PUM2: variants seen among roughly 807,000 people sequenced by gnomAD.
The protein encoded by PUM2 is pumilio homolog 2.
Under a neutral mutation model 124.5 loss-of-function variants are expected in PUM2, and 57 were observed. That is an observed-to-expected ratio of 0.46 (90% confidence interval 0.37 to 0.57). The LOEUF (loss-of-function observed/expected upper bound fraction) is 0.57, where lower values mean the gene tolerates loss of function less well. Ranked by LOEUF, PUM2 falls within the 20% of genes least tolerant of loss-of-function variation. The pLI is 0.00. For synonymous variants in PUM2, 460 were observed against 446.1 expected, an observed-to-expected ratio of 1.03 and a Z score of -0.39; for missense variants, 1,065 against 1,290.6, an observed-to-expected ratio of 0.83 and a Z score of 2.68.
At chr2:20,339,627 C>A (rs1438113814) in intron 1 of PUM2, among the ~76,000 whole-genome samples, 1 of 152,170 alleles carries the variant, frequency 6.6e-6, no homozygotes, top group East Asian at 1.9e-4. Context: ...TGCCTGTAAG[C>A]CCAGCACTTT....
At chr2:20,263,136 T>A (rs766579139) in intron 14 of PUM2, 57 bp downstream of exon 14, 13 of 1,493,332 alleles carry the variant, frequency 8.7e-6, no homozygotes, top group South Asian at 2.4e-5. Context: ...ATTTAAGCTT[T>A]TATAAGGCAG....
chr2:20,294,291 A>G (rs1674959836), intron 9 of PUM2, 85 bp downstream of exon 9: 1 of 1,483,526 alleles, frequency 6.7e-7, no homozygotes. Flanking sequence ...GAGGAAACGT[A>G]AGTCGAAAAA....
In PUM2 at chr2:20,263,444, A is replaced by C. The variant is rs1558495488; in HGVS notation, c.1974T>G (p.Gly658=). The change falls in exon 14 of 21, where the codon GGT becomes GGG. Residue 658 remains glycine (G), a synonymous_variant. Transcript: ENST00000361078. The part of the protein sequence containing the change: ...SSLHLGGLTN[G]SGRYISAAPG... ...GTGCTGCAGAGATATATCGACCACT[A>C]CCATTTGTCAGTCCTCCTACAACAA... is the stretch of plus-strand genomic sequence containing the variant. 6.2e-7 allele frequency: 1 copy of C among 1,610,730 alleles called. No individual in the cohort carries two copies. Among genetic ancestry groups the C allele is most frequent in the Non-Finnish European group, 8.5e-7 (1 of 1,177,064 alleles).
At position 20,250,225 on chromosome 2, in the gene PUM2, T is replaced by C. The variant is rs1662974482; in HGVS notation, c.*1360A>G. ...ATATTAACAGTCAACAACTATGTTATAAAACAAAATGATCTCACAATAATA... is the reference window on the plus strand; with the variant it reads ...ATATTAACAGTCAACAACTATGTTACAAAACAAAATGATCTCACAATAATA... On this transcript the variant is annotated 3_prime_UTR_variant, in exon 21 of 21. Transcript: ENST00000361078. 6.6e-6 allele frequency: 1 copy of C among 152,556 alleles called. No homozygotes were observed. The highest frequency in any genetic ancestry group is 2.4e-5 in the African/African-American group (1 of 41,442). 9.5% of individuals were successfully genotyped at this position (152,556 alleles called of 1,614,324 possible). A position where few individuals can be genotyped will look rare whatever the true frequency, so the allele number is the denominator to read the frequency against.
Position 20,297,626 on chromosome 2 carries a change from G to C in PUM2, c.936C>G (p.Tyr312Ter). The part of the protein sequence containing the change: ...LAPAAFVPNP[Y>*]IISAAPPGTD... Reference sequence around the variant, plus strand: ...TCCCTGGAGGAGCAGCACTAATAATGTATGGATTTGGCACAAATGCAGCTG... The same window carrying C: ...TCCCTGGAGGAGCAGCACTAATAATCTATGGATTTGGCACAAATGCAGCTG... Residue 312 changes from tyrosine to a stop codon, truncating the protein, a stop_gained, in exon 8 of 21, where the codon TAC (tyrosine) becomes TAG (stop). Transcript: ENST00000361078. LOFTEE classifies it high-confidence loss of function. 1 of 1,613,048 alleles carries C rather than the reference G, an allele frequency of 6.2e-7. No homozygotes were observed. The highest frequency in any genetic ancestry group is 8.5e-7 in the Non-Finnish European group (1 of 1,178,990).
chr2:20,306,234 C>A (rs1441140661), intron 7 of PUM2, among the ~76,000 whole-genome samples: 2 of 151,768 alleles, frequency 1.3e-5, no homozygotes, highest in Non-Finnish European at 2.9e-5. Flanking sequence ...ACAATAACAA[C>A]AAAAAAAACC....
chr2:20,274,192 A>C (rs1258665400), intron 13 of PUM2, among the ~76,000 whole-genome samples: 1 of 152,186 alleles, frequency 6.6e-6, no homozygotes, highest in Non-Finnish European at 1.5e-5. Context: ...ATGAAATGAA[A>C]TATGAATATG....
At chr2:20,315,740 T>TAA (rs1414452678) in intron 3 of PUM2, among the ~76,000 whole-genome samples, 1 of 150,938 alleles carries the variant, frequency 6.6e-6, no homozygotes, top group African/African-American at 2.4e-5. Flanking sequence ...GCAGGTGGAT[T>TAA]GTTTGAGCTC....
intron 3 of PUM2, among the ~76,000 whole-genome samples, chr2:20,316,711 C>A (rs10170538): frequency 0.035 from 5,315 of 151,716 alleles, 93 homozygotes; most frequent in Middle Eastern, 0.069. Context: ...ATAGTGAGAC[C>A]CCCATCTCTA....
At chr2:20,310,522 G>A (rs1679366694) in intron 5 of PUM2, among the ~76,000 whole-genome samples, 1 of 151,986 alleles carries the variant, frequency 6.6e-6, no homozygotes, top group Non-Finnish European at 1.5e-5. Flanking sequence ...AGGTAATAGT[G>A]AAGAACAAAC....
At chr2:20,296,645 C>T (rs1328678360) in intron 8 of PUM2, among the ~76,000 whole-genome samples, 1 of 128,896 alleles carries the variant, frequency 7.8e-6, no homozygotes, top group Admixed American at 9.2e-5. Flanking sequence ...TTTTGAAAGT[C>T]AGCCCATTAG....
chr2:20,264,897 T>C (rs1229706644), intron 13 of PUM2, among the ~76,000 whole-genome samples: 2 of 152,130 alleles, frequency 1.3e-5, no homozygotes, highest in East Asian at 3.8e-4. Context: ...TCACTTTCTG[T>C]CCCTACTGTC....
At chr2:20,307,197 G>C (rs1678546270) in intron 7 of PUM2, among the ~76,000 whole-genome samples, 2 of 152,048 alleles carry the variant, frequency 1.3e-5, no homozygotes, top group African/African-American at 4.8e-5. Context: ...GCCTGGGTGA[G>C]AGTGAGACTC....
rs116185338 is a variant in PUM2 at position 20,299,469 on chromosome 2, G to A, written c.884-1791C>T. 1.0e-2 allele frequency among the ~76,000 whole-genome samples: 1,518 copies of A among 152,020 alleles called. 26 individuals are homozygous for A. Among genetic ancestry groups the A allele is most frequent in the African/African-American group, 0.034 (1,392 of 41,476 alleles). On this transcript the variant is annotated intron_variant, in intron 7 of 20. Transcript: ENST00000361078. ...CACTTGAGGCCAGGAGTTCAAGACC[G>A]GCCTGGTCTTGAACACAGTGAAACC...
At chr2:20,254,632 G>C (rs986826369) in intron 19 of PUM2, among the ~76,000 whole-genome samples, 1 of 152,058 alleles carries the variant, frequency 6.6e-6, no homozygotes, top group Non-Finnish European at 1.5e-5. Flanking sequence ...CCAGTGTCGG[G>C]AGTAATTATT....
chr2:20,266,486 C>G (rs75414416), intron 13 of PUM2, among the ~76,000 whole-genome samples: 3 of 147,972 alleles, frequency 2.0e-5, no homozygotes, highest in Admixed American at 6.7e-5. Context: ...ACAACCCCCC[C>G]ACCAAAAAAA....
At chr2:20,284,668 A>G (rs537564582) in intron 10 of PUM2, among the ~76,000 whole-genome samples, 1 of 152,312 alleles carries the variant, frequency 6.6e-6, no homozygotes, top group South Asian at 2.1e-4. Flanking sequence ...ATACTGAAAT[A>G]CATTCCAACA....
intron 1 of PUM2, among the ~76,000 whole-genome samples, chr2:20,331,437 C>T (rs1198418208): frequency 6.6e-6 from 1 of 152,110 alleles, no homozygotes; most frequent in East Asian, 1.9e-4. Context: ...TAATACAAGA[C>T]CAACCTCAGA....
intron 16 of PUM2, 66 bp downstream of exon 16, chr2:20,258,177 A>G: frequency 2.2e-6 from 3 of 1,381,484 alleles, no homozygotes; most frequent in Non-Finnish European, 2.9e-6. Flanking sequence ...CTGTAAGATT[A>G]AAAACATGTA....
Sources: allele counts gnomAD v4.1 joint callset (sites outside exome capture counted in the v4.1 genomes callset), GRCh38; gene constraint gnomAD v4.1.1; transcripts MANE v1.5; gene names NCBI Gene and HGNC (gene_info 2026-07-23, HGNC 2026-07-21).